Variants in SCAF4 observed in about 807,000 individuals in gnomAD.
The protein encoded by SCAF4 is SR-related and CTD-associated factor 4.
A neutral mutation model predicts 129.8 loss-of-function variants in SCAF4; 25 were observed. The observed-to-expected ratio is 0.19, with a 90% CI of 0.14 to 0.27. SCAF4 has a LOEUF of 0.27. Among genes scored for constraint, SCAF4 ranks in the 10% least tolerant of loss-of-function variants. SCAF4 has a pLI of 1.00. For missense variants in SCAF4, 1,246 were observed against 1,457.1 expected, an observed-to-expected ratio of 0.86 and a Z score of 2.36; for synonymous variants, 551 against 497.7, an observed-to-expected ratio of 1.11 and a Z score of -1.43.
chr21:31,693,047 T>C (rs992395055), intron 12 of SCAF4, among the ~76,000 whole-genome samples: 2 of 152,232 alleles, frequency 1.3e-5, no homozygotes, highest in Non-Finnish European at 2.9e-5. Flanking sequence ...CAGAAAATAA[T>C]GCAAGTGAAT....
chr21:31,706,168 T>C, intron 2 of SCAF4, 106 bp downstream of exon 2: 1 of 745,998 alleles, frequency 1.3e-6, no homozygotes, highest in Non-Finnish European at 2.3e-6. Context: ...TAGGGCTCTT[T>C]GATTTAGGCC....
At position 31,700,970 on chromosome 21, in the gene SCAF4, G is replaced by A. The variant is rs201817005; in HGVS notation, c.777+25C>T. On this transcript the variant is annotated intron_variant, in intron 7 of 19. Transcript: ENST00000286835. ...TCAAGTTGAGTGATATAAATGGTGG[G>A]GTGGGTTATGTGAGAGAAATATACC... is the stretch of plus-strand genomic sequence containing the variant. The A allele has an allele frequency of 8.7e-6, 14 of 1,608,372 alleles. No homozygotes were observed. The Admixed American group carries it at 1.5e-4, about 17-fold the overall frequency.
chr21:31,719,537 G>A (rs569847104), intron 1 of SCAF4, among the ~76,000 whole-genome samples: 208 of 151,592 alleles, frequency 1.4e-3, no homozygotes, highest in Non-Finnish European at 2.4e-3. Flanking sequence ...GGAGCTTCAC[G>A]CTTGTTGCCC....
intron 1 of SCAF4, among the ~76,000 whole-genome samples, chr21:31,709,696 G>C (rs2050754051): frequency 6.6e-6 from 1 of 152,126 alleles, no homozygotes; most frequent in Non-Finnish European, 1.5e-5. Flanking sequence ...CAGCTGCAGA[G>C]TATTACTACA....
intron 2 of SCAF4, among the ~76,000 whole-genome samples, chr21:31,706,052 G>A (rs73201530): frequency 0.094 from 14,321 of 152,148 alleles, 1,132 homozygotes; most frequent in African/African-American, 0.22. Context: ...CCTGGGTGGC[G>A]CAGTGAGACT....
intron 19 of SCAF4, among the ~76,000 whole-genome samples, chr21:31,682,723 A>G (rs142399026): frequency 2.5e-3 from 378 of 152,322 alleles, no homozygotes; most frequent in Middle Eastern, 6.8e-3. Flanking sequence ...TTATTATCTT[A>G]AAAGAAAACA....
chr21:31,695,124 A>C (rs1012838880), intron 9 of SCAF4, 144 bp from the exon 10 acceptor site: 25 of 674,708 alleles, frequency 3.7e-5, no homozygotes, highest in African/African-American at 7.3e-5. Context: ...CAATTTCCAT[A>C]TGTACAATTT....
At chr21:31,710,595 A>T (rs1290782464) in intron 1 of SCAF4, among the ~76,000 whole-genome samples, 3 of 152,132 alleles carry the variant, frequency 2.0e-5, no homozygotes, top group Non-Finnish European at 4.4e-5. Flanking sequence ...ACAGAAGAAC[A>T]ACATACATAC....
At chr21:31,721,620 G>C (rs745851555) in intron 1 of SCAF4, among the ~76,000 whole-genome samples, 6 of 152,066 alleles carry the variant, frequency 3.9e-5, no homozygotes, top group Non-Finnish European at 7.4e-5. Flanking sequence ...GAGGCAAGAG[G>C]AGCAGTCCAC....
At chr21:31,716,803 T>TTAA (rs1204543711) in intron 1 of SCAF4, among the ~76,000 whole-genome samples, 2 of 152,130 alleles carry the variant, frequency 1.3e-5, no homozygotes, top group Non-Finnish European at 2.9e-5. Context: ...TAATACTTTT[T>TTAA]TAATATCAGG....
chr21:31,688,006 T>C (rs1403360482), intron 16 of SCAF4, among the ~76,000 whole-genome samples: 1 of 149,356 alleles, frequency 6.7e-6, no homozygotes, highest in Non-Finnish European at 1.5e-5. Flanking sequence ...ATCCCAGCTA[T>C]TCAGGTGGCT....
intron 12 of SCAF4, among the ~76,000 whole-genome samples, chr21:31,692,969 A>G (rs2050295185): frequency 6.6e-6 from 1 of 152,240 alleles, no homozygotes; most frequent in Admixed American, 6.5e-5. Context: ...CTTAATAGTT[A>G]CTGATTTATA....
chr21:31,686,531 T>C lies in SCAF4; in HGVS notation c.2044-798A>G, dbSNP rs2050129821. 2.6e-5 allele frequency among the ~76,000 whole-genome samples: 4 copies of C among 152,080 alleles called. No homozygotes were observed. In the South Asian group the frequency reaches 8.3e-4, roughly 32 times the overall value. ...TGCCAACCACACATAATTATGCAGA[T>C]TAAATGAGTTAATACATACTAAGTG... On this transcript the variant is annotated intron_variant, in intron 16 of 19. Coordinates refer to ENST00000286835, the MANE Select transcript of SCAF4 (RefSeq NM_020706.2).
chr21:31,719,821 C>T (rs1474762077), intron 1 of SCAF4, among the ~76,000 whole-genome samples: 5 of 152,140 alleles, frequency 3.3e-5, no homozygotes, highest in Non-Finnish European at 5.9e-5. Flanking sequence ...CTTCATTTTA[C>T]ACTACCTCCC....
At chr21:31,688,098 AAGAG>A (rs955031953) in intron 16 of SCAF4, among the ~76,000 whole-genome samples, 1 of 134,746 alleles carries the variant, frequency 7.4e-6, no homozygotes, top group Admixed American at 7.8e-5. Context: ...TTGGGCAACA[AAGAG>A]AGACTCTGTC....
intron 6 of SCAF4, 36 bp downstream of exon 6, chr21:31,701,740 C>T (rs536663868): frequency 1.9e-6 from 3 of 1,583,290 alleles, no homozygotes; most frequent in African/African-American, 1.4e-5. Context: ...AGTACCTAGT[C>T]CTGCAAACAA....
At chr21:31,693,795 A>G (rs2123541295) in intron 11 of SCAF4, among the ~76,000 whole-genome samples, 1 of 152,328 alleles carries the variant, frequency 6.6e-6, no homozygotes, top group East Asian at 1.9e-4. Flanking sequence ...CACTGCTACT[A>G]CTGTTACCTA....
At chr21:31,718,440 C>T (rs150143353) in intron 1 of SCAF4, among the ~76,000 whole-genome samples, 10 of 152,224 alleles carry the variant, frequency 6.6e-5, no homozygotes, top group Non-Finnish European at 1.3e-4. Context: ...TGAAATACTC[C>T]TAAGGTAGAG....
At chr21:31,681,759 T>C (rs1373375170) in intron 19 of SCAF4, among the ~76,000 whole-genome samples, 1 of 152,202 alleles carries the variant, frequency 6.6e-6, no homozygotes, top group East Asian at 1.9e-4. Context: ...CCAAATTCAG[T>C]AGTACAACTC....
Sources: allele counts gnomAD v4.1 joint callset (sites outside exome capture counted in the v4.1 genomes callset), GRCh38; gene constraint gnomAD v4.1.1; transcripts MANE v1.5; gene names NCBI Gene and HGNC (gene_info 2026-07-23, HGNC 2026-07-21).